Variants in SOX5 observed in about 807,000 individuals in gnomAD.
The protein encoded by SOX5 is SRY-box transcription factor 5, also known as transcription factor SOX-5.
A neutral mutation model predicts 92.0 loss-of-function variants in SOX5; 9 were observed. The observed-to-expected ratio is 0.10, with a 90% CI of 0.06 to 0.17. The LOEUF is 0.17. SOX5 is among the 10% of genes least tolerant of loss of function. The probability of loss-of-function intolerance (pLI) is 1.00; values close to 1 mark genes in which losing one functional copy is unlikely to be tolerated. For missense variants in SOX5, 642 were observed against 944.5 expected, an observed-to-expected ratio of 0.68 and a Z score of 4.20; for synonymous variants, 344 against 336.3, an observed-to-expected ratio of 1.02 and a Z score of -0.25.
chr12:23,555,155 T>C (rs964741837), intron 11 of SOX5, among the ~76,000 whole-genome samples: 1 of 152,196 alleles, frequency 6.6e-6, no homozygotes, highest in Non-Finnish European at 1.5e-5. Flanking sequence ...TGTTGTATAT[T>C]CTTTTAGTCT....
At chr12:23,953,980 G>C, upstream of SOX5, among the ~76,000 whole-genome samples, 1 of 151,984 alleles carries the variant, frequency 6.6e-6, no homozygotes, top group Non-Finnish European at 1.5e-5. Context: ...AGAGAACACT[G>C]CTGGAAAATT....
chr12:23,727,693 A>T (rs2093208045), intron 6 of SOX5, among the ~76,000 whole-genome samples: 1 of 152,198 alleles, frequency 6.6e-6, no homozygotes, highest in Admixed American at 6.6e-5. Flanking sequence ...GTAAATCTTC[A>T]TGTTTCCAGG....
chr12:24,332,438 T>C (rs1344324955), intron 2 of SOX5, among the ~76,000 whole-genome samples: 1 of 152,122 alleles, frequency 6.6e-6, no homozygotes, highest in African/African-American at 2.4e-5. Context: ...AAATGGCCTG[T>C]AACTGAGAAA....
chr12:23,952,543 G>T (rs181144710), upstream of SOX5, among the ~76,000 whole-genome samples: 3 of 152,176 alleles, frequency 2.0e-5, no homozygotes, highest in African/African-American at 4.8e-5. Context: ...ATATAGAAGA[G>T]AATGTTAAAT....
At chr12:24,542,748 G>A (rs549146597) in intron 1 of SOX5, among the ~76,000 whole-genome samples, 3 of 152,284 alleles carry the variant, frequency 2.0e-5, no homozygotes, top group South Asian at 2.1e-4. Flanking sequence ...TTGTAAAGAC[G>A]AAAGGCAAAT....
intron 4 of SOX5, among the ~76,000 whole-genome samples, chr12:24,206,588 C>T (rs904648159): frequency 3.9e-5 from 6 of 152,014 alleles, no homozygotes; most frequent in African/African-American, 1.2e-4. Context: ...ACCGCCTCCC[C>T]CCAAGAATCC....
chr12:24,463,023 G>A (rs1421911818), intron 1 of SOX5, among the ~76,000 whole-genome samples: 1 of 152,098 alleles, frequency 6.6e-6, no homozygotes, highest in African/African-American at 2.4e-5. Flanking sequence ...TTTGAGACCA[G>A]CCTGGGTAAC....
chr12:24,070,674 T>C lies in SOX5; in HGVS notation c.-2+142669A>G, dbSNP rs552098940. On this transcript the variant is annotated intron_variant, in intron 4 of 4. Transcript: ENST00000446891. ...CATTAGTTGAGACTTTTTTCAGTTA[T>C]AAAAATGTAATATGGTATTTATGTT... Among the ~76,000 whole-genome samples, 111 of 152,324 alleles carry C rather than the reference T, an allele frequency of 7.3e-4. 1 individual carries two copies. The highest frequency in any genetic ancestry group is 1.4e-3 in the Non-Finnish European group (96 of 68,030).
intron 4 of SOX5, among the ~76,000 whole-genome samples, chr12:24,140,002 G>T (rs1950432863): frequency 6.6e-6 from 1 of 151,970 alleles, no homozygotes; most frequent in Non-Finnish European, 1.5e-5. Flanking sequence ...CACTTATCAG[G>T]GTTTGTTTGT....
chr12:23,540,690 T>C (rs1941830316), intron 13 of SOX5, among the ~76,000 whole-genome samples: 1 of 152,180 alleles, frequency 6.6e-6, no homozygotes, highest in South Asian at 2.1e-4. Flanking sequence ...TAAAAGGTGA[T>C]TCCTTATGTT....
At chr12:24,113,109 A>G (rs1947566157) in intron 4 of SOX5, among the ~76,000 whole-genome samples, 1 of 151,740 alleles carries the variant, frequency 6.6e-6, no homozygotes, top group South Asian at 2.1e-4. Context: ...AATCAATACA[A>G]TGTCCTACCT....
At chr12:23,824,338 C>A (rs1172802501) in intron 3 of SOX5, among the ~76,000 whole-genome samples, 1 of 152,150 alleles carries the variant, frequency 6.6e-6, no homozygotes, top group Non-Finnish European at 1.5e-5. Flanking sequence ...GATGCTATTG[C>A]TTTCTGTTTG....
intron 1 of SOX5, among the ~76,000 whole-genome samples, chr12:24,403,273 C>T (rs1962172804): frequency 6.6e-6 from 1 of 152,138 alleles, no homozygotes; most frequent in East Asian, 1.9e-4. Context: ...CCTCTTTGGC[C>T]ACTCTCCCTA....
Position 23,533,309 on chromosome 12 carries a change from CT to C in SOX5, c.*909del. The C allele has an allele frequency of 1.9e-5, 7 of 364,758 alleles. No individual in the cohort carries two copies. The highest frequency in any genetic ancestry group is 3.5e-5 in the Non-Finnish European group (6 of 173,130). The allele number at this position is 364,758 out of a possible 1,614,324, so 22.6% of individuals were successfully genotyped here. On this transcript the variant is annotated 3_prime_UTR_variant, in exon 15 of 15. Transcript: ENST00000451604. ...TTTTCTCTAAATTTCTTATGTCTCTCTCTCTCTCTCTCTTTTCACCTGAGAA... is the reference window on the plus strand; with the variant it reads ...TTTTCTCTAAATTTCTTATGTCTCTCCTCTCTCTCTCTTTTCACCTGAGAA...
chr12:23,570,198 T>G (rs925900081), intron 10 of SOX5, among the ~76,000 whole-genome samples: 3 of 152,226 alleles, frequency 2.0e-5, no homozygotes, highest in Non-Finnish European at 4.4e-5. Context: ...TCAACAAATA[T>G]ATTTTTTTCT....
chr12:23,971,121 CTTTTT>C (rs71059953), intron 4 of SOX5, among the ~76,000 whole-genome samples: 37,229 of 86,584 alleles, frequency 0.43, 7,820 homozygotes, highest in Middle Eastern at 0.6. Flanking sequence ...TGTCAGCTGA[CTTTTT>C]TTTTTTTTTT....
chr12:24,366,256 T>C (rs1956161130), intron 2 of SOX5, among the ~76,000 whole-genome samples: 1 of 152,134 alleles, frequency 6.6e-6, no homozygotes, highest in Non-Finnish European at 1.5e-5. Context: ...CAGTTAATAG[T>C]ACCCTATTTC....
intron 1 of SOX5, among the ~76,000 whole-genome samples, chr12:24,427,868 G>A (rs1378912153): frequency 6.6e-6 from 1 of 152,022 alleles, no homozygotes; most frequent in Non-Finnish European, 1.5e-5. Flanking sequence ...AAAACATCAG[G>A]GGGCAAATTA....
chr12:24,053,124 G>A (rs1022813157), intron 4 of SOX5, among the ~76,000 whole-genome samples: 1 of 151,166 alleles, frequency 6.6e-6, no homozygotes, highest in Non-Finnish European at 1.5e-5. Flanking sequence ...TTGATATGTG[G>A]TATCCTGTAA....
Sources: allele counts gnomAD v4.1 joint callset (sites outside exome capture counted in the v4.1 genomes callset), GRCh38; gene constraint gnomAD v4.1.1; transcripts MANE v1.5; gene names NCBI Gene and HGNC (gene_info 2026-07-23, HGNC 2026-07-21).